PIGN: variants seen among roughly 807,000 people sequenced by gnomAD.
PIGN encodes phosphatidylinositol glycan anchor biosynthesis class N, also known as GPI ethanolamine phosphate transferase 1.
PIGN carries 117 observed loss-of-function variants against 125.4 expected under a neutral mutation model. The ratio of observed to expected loss-of-function variants is 0.93; its 90% CI spans 0.80 to 1.09. The LOEUF is 1.09. Among genes scored for constraint, PIGN ranks in the 50% least tolerant of loss-of-function variants. The pLI, the probability that PIGN is intolerant of heterozygous loss-of-function variation, is 0.00. For synonymous variants in PIGN, 392 were observed against 377.8 expected (o/e 1.04, Z -0.44); for missense variants, 1,075 against 1,094.9 (o/e 0.98, Z 0.26).
chr18:62,107,840 A>C (rs1396975157), intron 17 of PIGN, among the ~76,000 whole-genome samples: 2 of 152,152 alleles, frequency 1.3e-5, no homozygotes, highest in African/African-American at 4.8e-5. Context: ...TTAGAGAAAA[A>C]TCTTAATTAC....
intron 23 of PIGN, among the ~76,000 whole-genome samples, chr18:62,092,405 T>C (rs747268094): frequency 6.6e-6 from 1 of 152,038 alleles, no homozygotes; most frequent in Non-Finnish European, 1.5e-5. Context: ...TCACACCCAA[T>C]GGCCCAAATA....
chr18:62,076,293 T>A (rs2033169357), intron 28 of PIGN, among the ~76,000 whole-genome samples: 1 of 152,228 alleles, frequency 6.6e-6, no homozygotes, highest in Non-Finnish European at 1.5e-5. Flanking sequence ...TTTCATTGTC[T>A]TATTTGCCAT....
intron 1 of PIGN, among the ~76,000 whole-genome samples, chr18:62,168,437 C>A (rs1213630380): frequency 6.6e-6 from 1 of 152,136 alleles, no homozygotes; most frequent in East Asian, 1.9e-4. Flanking sequence ...CTCTGCTTTG[C>A]TCCATCCCAG....
At chr18:62,175,999 T>A (rs2147901722) in intron 1 of PIGN, among the ~76,000 whole-genome samples, 1 of 152,262 alleles carries the variant, frequency 6.6e-6, no homozygotes, top group Middle Eastern at 3.4e-3. Flanking sequence ...CTCTATTGTC[T>A]CAAATTTCAG....
chr18:62,127,765 G>C (rs944836596), intron 14 of PIGN, among the ~76,000 whole-genome samples: 2 of 151,910 alleles, frequency 1.3e-5, no homozygotes, highest in Non-Finnish European at 1.5e-5. Context: ...ACTGAGGTTC[G>C]CTGGAGCCTT....
intron 30 of PIGN, 184 bp downstream of exon 30, chr18:62,072,489 T>C: frequency 2.1e-6 from 1 of 472,134 alleles, no homozygotes; most frequent in Non-Finnish European, 3.8e-6. Context: ...TATGATAACA[T>C]GCTGTACAGG....
chr18:62,157,053 T>C, intron 6 of PIGN, 76 bp downstream of exon 6: 1 of 582,290 alleles, frequency 1.7e-6, no homozygotes, highest in Non-Finnish European at 2.9e-6. Flanking sequence ...ATACATTACA[T>C]ACATAAAAAT....
chr18:62,099,353 T>C (rs2034344512), intron 22 of PIGN, among the ~76,000 whole-genome samples: 1 of 152,104 alleles, frequency 6.6e-6, no homozygotes, highest in African/African-American at 2.4e-5. Flanking sequence ...AAAAGTAACA[T>C]TCCACAATGA....
chr18:62,068,136 G>A (rs1447451481), intron 30 of PIGN, among the ~76,000 whole-genome samples: 1 of 152,118 alleles, frequency 6.6e-6, no homozygotes, highest in Admixed American at 6.5e-5. Flanking sequence ...CTTTAGAGGT[G>A]TCTTCTGGTT....
At chr18:62,085,378 C>A in intron 25 of PIGN, 114 bp from the exon 26 acceptor site, 1 of 719,542 alleles carries the variant, frequency 1.4e-6, no homozygotes, top group Non-Finnish European at 2.4e-6. Flanking sequence ...TTACTTGTAC[C>A]ATGAATTGTT....
At chr18:62,170,339 T>C (rs2037306547) in intron 1 of PIGN, among the ~76,000 whole-genome samples, 1 of 150,824 alleles carries the variant, frequency 6.6e-6, no homozygotes, top group Non-Finnish European at 1.5e-5. Flanking sequence ...GCAAGTATAT[T>C]GGTGCTATTT....
intron 28 of PIGN, among the ~76,000 whole-genome samples, chr18:62,076,591 G>C (rs537069277): frequency 6.6e-6 from 1 of 152,188 alleles, no homozygotes; most frequent in Admixed American, 6.5e-5. Context: ...CCAAGGATTT[G>C]CTCTATTTTT....
intron 28 of PIGN, 89 bp from the exon 29 acceptor site, chr18:62,074,910 C>T: frequency 3.6e-6 from 3 of 826,442 alleles, no homozygotes; most frequent in South Asian, 1.6e-5. Flanking sequence ...AGGCAAATAA[C>T]CTAGTATTGT....
At chr18:62,150,132 C>T (rs1206330104) in intron 7 of PIGN, among the ~76,000 whole-genome samples, 3 of 152,100 alleles carry the variant, frequency 2.0e-5, no homozygotes, top group African/African-American at 7.2e-5. Context: ...CAGACATGCA[C>T]CACCATGCTC....
chr18:62,074,274 A>C (rs1001709989), intron 29 of PIGN, among the ~76,000 whole-genome samples: 1 of 152,244 alleles, frequency 6.6e-6, no homozygotes, highest in African/African-American at 2.4e-5. Context: ...AAAGTTGTAG[A>C]CATAAAATAG....
chr18:62,040,314 C>T (rs904554845), downstream of PIGN, among the ~76,000 whole-genome samples: 6 of 152,108 alleles, frequency 3.9e-5, no homozygotes, highest in Non-Finnish European at 7.4e-5. Flanking sequence ...TCCAGGGTGC[C>T]GCACCCCATG....
intron 14 of PIGN, among the ~76,000 whole-genome samples, chr18:62,115,262 C>CA (rs2035045224): frequency 6.6e-6 from 1 of 152,026 alleles, no homozygotes; most frequent in Non-Finnish European, 1.5e-5. Context: ...GAAATACTCC[C>CA]AAAAAATACT....
intron 14 of PIGN, among the ~76,000 whole-genome samples, chr18:62,135,146 T>G (rs528487455): frequency 1.3e-5 from 2 of 152,350 alleles, no homozygotes; most frequent in East Asian, 3.9e-4. Flanking sequence ...AAGTTATTTT[T>G]AATGCATCTA....
chr18:62,021,658 A>T (rs1371301941), intron 23 of PIGN, among the ~76,000 whole-genome samples: 1 of 152,178 alleles, frequency 6.6e-6, no homozygotes. Flanking sequence ...CTGTGAAGAA[A>T]ACTAAGTCAA....
Sources: allele counts gnomAD v4.1 joint callset (sites outside exome capture counted in the v4.1 genomes callset), GRCh38; gene constraint gnomAD v4.1.1; transcripts MANE v1.5; gene names NCBI Gene and HGNC (gene_info 2026-07-23, HGNC 2026-07-21).